Variants in FAM210A observed in about 807,000 individuals in gnomAD.
FAM210A encodes family with sequence similarity 210 member A.
FAM210A carries 13 observed loss-of-function variants against 25.3 expected under a neutral mutation model. The observed-to-expected ratio is 0.51, with a 90% CI of 0.33 to 0.82. The LOEUF (loss-of-function observed/expected upper bound fraction) is 0.82. Among genes scored for constraint, FAM210A ranks in the 40% least tolerant of loss-of-function variants. FAM210A has a pLI of 0.02. For missense variants in FAM210A, 319 were observed against 323.2 expected, an observed-to-expected ratio of 0.99 and a Z score of 0.10; for synonymous variants, 125 against 118.7, an observed-to-expected ratio of 1.05 and a Z score of -0.35.
intron 1 of FAM210A, among the ~76,000 whole-genome samples, chr18:13,684,991 A>G (rs1385057525): frequency 6.6e-6 from 1 of 152,238 alleles, no homozygotes; most frequent in East Asian, 1.9e-4. Context: ...AGAAATTTAA[A>G]AATATTTTGA....
chr18:13,706,566 A>C (rs891761335), intron 1 of FAM210A, among the ~76,000 whole-genome samples: 4 of 152,228 alleles, frequency 2.6e-5, no homozygotes, highest in Non-Finnish European at 5.9e-5. Flanking sequence ...GGTTAAAGAG[A>C]ACATTGCCAG....
chr18:13,697,080 G>A (rs542302699), intron 1 of FAM210A, among the ~76,000 whole-genome samples: 2 of 152,268 alleles, frequency 1.3e-5, no homozygotes, highest in Non-Finnish European at 2.9e-5. Context: ...CGCTGTACAG[G>A]TTTGTGGCCT....
rs938686825 is a variant in FAM210A, at chr18:13,664,153, C to G, written c.*2327G>C. 3 of 152,202 alleles carry G rather than the reference C, an allele frequency of 2.0e-5. No individual in the cohort carries two copies. Among genetic ancestry groups the G allele is most frequent in the Non-Finnish European group, 4.4e-5 (3 of 68,030 alleles). 9.4% of individuals were successfully genotyped at this position (152,202 alleles called of 1,614,324 possible). ...CCAAGTAATACAACAGAGCTTCTCA[C>G]ATCTTCAGAGCATTTTTTACTAGAG... On this transcript the variant is annotated 3_prime_UTR_variant, in exon 4 of 4. Transcript: ENST00000651643.
chr18:13,704,792 T>C (rs948909946), intron 1 of FAM210A, among the ~76,000 whole-genome samples: 1 of 152,230 alleles, frequency 6.6e-6, no homozygotes, highest in East Asian at 1.9e-4. Context: ...TCTGTGTATA[T>C]GCTATCCATA....
rs2149051864 is a variant in FAM210A at position 13,671,991 on chromosome 18, TA to T, written c.474-19del. ...TCACTCCTCTACAAAAAAAAAAAAG[TA>T]ATTTTCATATGTACAAACTTTTAAT... On this transcript the variant is annotated intron_variant, in intron 2 of 3. Coordinates refer to ENST00000651643, the MANE Select transcript of FAM210A (RefSeq NM_152352.4). 7.3e-7 allele frequency: 1 copy of T among 1,374,804 alleles called. No individual in the cohort carries two copies. Among genetic ancestry groups the T allele is most frequent in the East Asian group, 2.3e-5 (1 of 43,370 alleles). The allele number at this position is 1,374,804 out of a possible 1,614,324, so 85.2% of individuals were successfully genotyped here.
chr18:13,689,385 T>C (rs1163892756), intron 1 of FAM210A, among the ~76,000 whole-genome samples: 1 of 152,200 alleles, frequency 6.6e-6, no homozygotes, highest in Non-Finnish European at 1.5e-5. Flanking sequence ...AAAGAAATCA[T>C]ATGATCATAT....
intron 1 of FAM210A, among the ~76,000 whole-genome samples, chr18:13,725,071 T>C (rs937658221): frequency 6.6e-6 from 1 of 152,204 alleles, no homozygotes; most frequent in Non-Finnish European, 1.5e-5. Flanking sequence ...GCACCCGGTG[T>C]TTAAAAACAT....
At chr18:13,713,309 C>A (rs1226514512) in intron 1 of FAM210A, among the ~76,000 whole-genome samples, 2 of 152,098 alleles carry the variant, frequency 1.3e-5, no homozygotes, top group African/African-American at 4.8e-5. Context: ...ATTTCCATAC[C>A]TGAGATAAGA....
chr18:13,693,696 C>A (rs1384169115), intron 1 of FAM210A, among the ~76,000 whole-genome samples: 1 of 152,054 alleles, frequency 6.6e-6, no homozygotes, highest in Non-Finnish European at 1.5e-5. Flanking sequence ...ATTCAACAGC[C>A]CTTCATGCTA....
At chr18:13,691,453 G>C (rs1001757317) in intron 1 of FAM210A, among the ~76,000 whole-genome samples, 9 of 152,124 alleles carry the variant, frequency 5.9e-5, no homozygotes, top group African/African-American at 2.2e-4. Context: ...ACACATAATT[G>C]TCAGATTCGC....
chr18:13,705,655 A>G (rs2043772648), intron 1 of FAM210A, among the ~76,000 whole-genome samples: 1 of 152,090 alleles, frequency 6.6e-6, no homozygotes, highest in South Asian at 2.1e-4. Context: ...TCTTTTTAGT[A>G]GAGACAGGGT....
chr18:13,669,611 C>G (rs1483800192), intron 3 of FAM210A, among the ~76,000 whole-genome samples: 2 of 152,126 alleles, frequency 1.3e-5, no homozygotes, highest in Non-Finnish European at 2.9e-5. Context: ...TAGCAGTTAC[C>G]ATCATCTACG....
At chr18:13,686,731 T>TA (rs1362475688) in intron 1 of FAM210A, among the ~76,000 whole-genome samples, 3 of 152,200 alleles carry the variant, frequency 2.0e-5, no homozygotes, top group African/African-American at 7.2e-5. Flanking sequence ...ATAAAAGACT[T>TA]TACTAACCCT....
At chr18:13,710,054 A>G (rs1160444465) in intron 1 of FAM210A, among the ~76,000 whole-genome samples, 1 of 152,252 alleles carries the variant, frequency 6.6e-6, no homozygotes, top group South Asian at 2.1e-4. Context: ...TGAAGCCAAG[A>G]TAATATCCCT....
At chr18:13,687,518 A>G (rs2149059266) in intron 1 of FAM210A, among the ~76,000 whole-genome samples, 1 of 152,312 alleles carries the variant, frequency 6.6e-6, no homozygotes, top group South Asian at 2.1e-4. Context: ...ACAAAATGGC[A>G]GAGTATGACC....
At chr18:13,699,399 C>G (rs1187134561) in intron 1 of FAM210A, among the ~76,000 whole-genome samples, 2 of 152,126 alleles carry the variant, frequency 1.3e-5, no homozygotes, top group Admixed American at 1.3e-4. Context: ...TATGCCCCCC[C>G]TAGTGAATTC....
At chr18:13,721,072 C>A (rs1433106060) in intron 1 of FAM210A, among the ~76,000 whole-genome samples, 3 of 152,156 alleles carry the variant, frequency 2.0e-5, no homozygotes, top group African/African-American at 7.2e-5. Context: ...CAAATAAGGT[C>A]ATACCCTGAG....
chr18:13,671,974 C>T lies in FAM210A; in HGVS notation c.474-1G>A, dbSNP rs1465737585. ...TAGAAAAGGAACGACATTCACTCCT[C>T]TACAAAAAAAAAAAAGTAATTTTCA... On this transcript the variant is annotated splice_acceptor_variant, in intron 2 of 3. Transcript: ENST00000651643. LOFTEE classifies it high-confidence loss of function. 1 of 1,560,482 alleles carries T rather than the reference C, an allele frequency of 6.4e-7. No individual in the cohort carries two copies. The highest frequency in any genetic ancestry group is 1.9e-5 in the Admixed American group (1 of 52,918).
At chr18:13,691,359 C>T (rs566027990) in intron 1 of FAM210A, among the ~76,000 whole-genome samples, 2 of 152,118 alleles carry the variant, frequency 1.3e-5, no homozygotes, top group Admixed American at 1.3e-4. Context: ...AGAACTTCCC[C>T]AGCCTAGCAA....
Sources: allele counts gnomAD v4.1 joint callset (sites outside exome capture counted in the v4.1 genomes callset), GRCh38; gene constraint gnomAD v4.1.1; transcripts MANE v1.5; gene names NCBI Gene and HGNC (gene_info 2026-07-23, HGNC 2026-07-21).